The following EXOC2 variants were observed in gnomAD, a reference collection of about 807,000 sequenced individuals.
EXOC2 encodes SEC5-like 1.
Under a neutral mutation model 131.8 loss-of-function variants are expected in EXOC2, and 70 were observed. That is an observed-to-expected ratio of 0.53 (90% confidence interval 0.44 to 0.65). EXOC2 has a LOEUF of 0.65. Among genes scored for constraint, EXOC2 ranks in the 30% least tolerant of loss-of-function variants. EXOC2 has a pLI of 0.00. For missense variants in EXOC2, 923 were observed against 1,108.6 expected (o/e 0.83, Z 2.38); for synonymous variants, 411 against 398.4 (o/e 1.03, Z -0.38).
intron 25 of EXOC2, among the ~76,000 whole-genome samples, chr6:495,269 G>A (rs1026334992): frequency 6.6e-6 from 1 of 152,048 alleles, no homozygotes; most frequent in Non-Finnish European, 1.5e-5. Flanking sequence ...GGGACTACAG[G>A]CGCCCGCCAC....
At chr6:651,562 G>A (rs547493478) in intron 1 of EXOC2, among the ~76,000 whole-genome samples, 51 of 152,164 alleles carry the variant, frequency 3.4e-4, no homozygotes, top group African/African-American at 1.2e-3. Flanking sequence ...GCTGAGGTAT[G>A]AGAATCACTT....
chr6:599,380 T>G (rs1423918619), intron 7 of EXOC2, among the ~76,000 whole-genome samples, 155 bp from the exon 8 acceptor site: 1 of 151,826 alleles, frequency 6.6e-6, no homozygotes, highest in African/African-American at 2.4e-5. Context: ...TATGGTTTGC[T>G]AAAATAAAAT....
chr6:520,886 CCAACA>C, intron 23 of EXOC2, among the ~76,000 whole-genome samples: 1 of 140,158 alleles, frequency 7.1e-6, no homozygotes, highest in African/African-American at 2.7e-5. Context: ...CCACCGAGCG[CCAACA>C]CTCACCGTCC....
At chr6:488,180 G>A (rs969740305) in intron 27 of EXOC2, among the ~76,000 whole-genome samples, 8 of 152,266 alleles carry the variant, frequency 5.3e-5, no homozygotes, top group South Asian at 2.1e-4. Flanking sequence ...TGCTCTGTGC[G>A]TCGATGCCAT....
At chr6:490,202 C>G (rs1259170927) in intron 26 of EXOC2, among the ~76,000 whole-genome samples, 2 of 152,212 alleles carry the variant, frequency 1.3e-5, no homozygotes. Flanking sequence ...ATTTAACACC[C>G]TCAAAAGCTT....
chr6:596,307 C>T (rs577821156), intron 10 of EXOC2, among the ~76,000 whole-genome samples: 2 of 151,914 alleles, frequency 1.3e-5, no homozygotes, highest in South Asian at 2.1e-4. Flanking sequence ...GGTCCAGGTG[C>T]GGATCTTTTC....
chr6:561,617 C>T lies in EXOC2; in HGVS notation c.1851+1167G>A, dbSNP rs59458852. Among the ~76,000 whole-genome samples the T allele has an allele frequency of 3.3e-3, 508 of 152,160 alleles. 5 individuals are homozygous for T. The highest frequency in any genetic ancestry group is 0.011 in the African/African-American group (464 of 41,496). On this transcript the variant is annotated intron_variant, in intron 17 of 27. Transcript: ENST00000230449. ...TTTTTTTCTTTTTTTGACAGAGTCT[C>T]GCTCTGTCACCAGGCTGGAGTACAG...
intron 5 of EXOC2, 104 bp downstream of exon 5, chr6:619,325 AT>A (rs1761166327): frequency 4.7e-6 from 4 of 845,310 alleles, no homozygotes; most frequent in Non-Finnish European, 7.7e-6. Flanking sequence ...ACCTAAAACC[AT>A]GTAACTGTAT....
chr6:621,661 C>T (rs1003738142), intron 4 of EXOC2, among the ~76,000 whole-genome samples: 1 of 152,084 alleles, frequency 6.6e-6, no homozygotes. Flanking sequence ...GAGACTGAGT[C>T]GATCGTGCAT....
chr6:499,078 C>T (rs1157695384), intron 24 of EXOC2, among the ~76,000 whole-genome samples: 4 of 152,138 alleles, frequency 2.6e-5, no homozygotes, highest in Non-Finnish European at 4.4e-5. Context: ...AAGATGAAAG[C>T]GTGTCAAGTG....
intron 12 of EXOC2, among the ~76,000 whole-genome samples, chr6:575,524 C>T (rs1357144290): frequency 3.3e-5 from 5 of 152,024 alleles, no homozygotes; most frequent in East Asian, 1.9e-4. Context: ...TCCTCTCCCT[C>T]GCTCCATCTC....
chr6:555,068 A>G (rs1028420761), intron 20 of EXOC2, among the ~76,000 whole-genome samples, 159 bp downstream of exon 20: 1 of 152,208 alleles, frequency 6.6e-6, no homozygotes, highest in Admixed American at 6.5e-5. Context: ...TAAACTATGG[A>G]AAGAATATAG....
At chr6:568,273 G>A (rs984028112) in intron 13 of EXOC2, among the ~76,000 whole-genome samples, 9 of 152,200 alleles carry the variant, frequency 5.9e-5, no homozygotes, top group Non-Finnish European at 1.3e-4. Context: ...TTGAAGGCCT[G>A]AACAGCACAA....
At chr6:690,634 C>G (rs1182591765) in intron 1 of EXOC2, among the ~76,000 whole-genome samples, 1 of 152,172 alleles carries the variant, frequency 6.6e-6, no homozygotes, top group Non-Finnish European at 1.5e-5. Context: ...ACCCGGGAGG[C>G]AGAGCTTGCA....
chr6:583,475 A>G (rs903139188), intron 11 of EXOC2, among the ~76,000 whole-genome samples: 1 of 151,958 alleles, frequency 6.6e-6, no homozygotes, highest in Non-Finnish European at 1.5e-5. Context: ...AATAGAATCT[A>G]TTACAAAACA....
At chr6:523,752 T>C (rs1352513117) in intron 23 of EXOC2, among the ~76,000 whole-genome samples, 2 of 152,240 alleles carry the variant, frequency 1.3e-5, no homozygotes, top group East Asian at 1.9e-4. Context: ...GGTGCAATCA[T>C]AGCTCACTAT....
intron 23 of EXOC2, among the ~76,000 whole-genome samples, chr6:518,251 C>G (rs974413649): frequency 2.6e-5 from 4 of 151,982 alleles, no homozygotes; most frequent in African/African-American, 9.7e-5. Flanking sequence ...TAACAGATCT[C>G]AGAGGCAGTG....
chr6:531,375 A>G (rs915791304), intron 23 of EXOC2, among the ~76,000 whole-genome samples: 1 of 100,342 alleles, frequency 1.0e-5, no homozygotes, highest in Non-Finnish European at 2.4e-5. Context: ...TATGAACTGA[A>G]TGTGGTTTGG....
At chr6:644,177 A>G (rs1435764358) in intron 1 of EXOC2, among the ~76,000 whole-genome samples, 2 of 152,136 alleles carry the variant, frequency 1.3e-5, no homozygotes, top group Non-Finnish European at 2.9e-5. Context: ...GTTTATTCCA[A>G]CCAAGCAAGG....
Sources: allele counts gnomAD v4.1 joint callset (sites outside exome capture counted in the v4.1 genomes callset), GRCh38; gene constraint gnomAD v4.1.1; transcripts MANE v1.5; gene names NCBI Gene and HGNC (gene_info 2026-07-23, HGNC 2026-07-21).